The following CHD6 variants were observed in gnomAD, a reference collection of about 807,000 sequenced individuals.
The protein encoded by CHD6 is chromodomain helicase DNA binding protein 6, also known as ATP-dependent chromatin remodeler CHD6.
A neutral mutation model predicts 276.9 loss-of-function variants in CHD6; 50 were observed. The ratio of observed to expected loss-of-function variants is 0.18; its 90% CI spans 0.14 to 0.23. The LOEUF is 0.23. Among genes scored for constraint, CHD6 ranks in the 10% least tolerant of loss-of-function variants. CHD6 has a pLI of 1.00. For missense variants in CHD6, 2,564 were observed against 3,365.8 expected (o/e 0.76, Z 5.89); for synonymous variants, 1,173 against 1,229.3 (o/e 0.95, Z 0.96).
At chr20:41,558,217 G>A (rs2045261599) in intron 1 of CHD6, among the ~76,000 whole-genome samples, 1 of 152,188 alleles carries the variant, frequency 6.6e-6, no homozygotes, top group African/African-American at 2.4e-5. Context: ...GGTGTGAGCA[G>A]TCTACAGGAG....
rs1041796015 is a variant in CHD6 at position 41,543,900 on chromosome 20, A to G, written c.33+7405T>C. 2.0e-4 allele frequency among the ~76,000 whole-genome samples: 30 copies of G among 152,330 alleles called. 1 individual carries two copies. The highest frequency in any genetic ancestry group is 7.2e-4 in the African/African-American group (30 of 41,582). On this transcript the variant is annotated intron_variant, in intron 2 of 36. Transcript: ENST00000373233. ...TTCCTGTTGCACTTTTGGTTTTTTC[A>G]TAATACTTTAACCCTTTGGGCTAGT...
At chr20:41,408,283 T>C (rs1388535725) in intron 36 of CHD6, among the ~76,000 whole-genome samples, 1 of 152,104 alleles carries the variant, frequency 6.6e-6, no homozygotes, top group Non-Finnish European at 1.5e-5. Flanking sequence ...ACACAGGCCC[T>C]GTGGTTCCCA....
At chr20:41,464,801 T>C (rs1335882992) in intron 17 of CHD6, among the ~76,000 whole-genome samples, 3 of 152,144 alleles carry the variant, frequency 2.0e-5, no homozygotes, top group Admixed American at 6.6e-5. Flanking sequence ...CGTTGGAGAA[T>C]GGTCAATTCC....
At chr20:41,490,096 G>C in intron 11 of CHD6, 75 bp from the exon 12 acceptor site, 1 of 1,227,562 alleles carries the variant, frequency 8.1e-7, no homozygotes, top group Non-Finnish European at 1.2e-6. Flanking sequence ...AACTTGAAAA[G>C]ATGCTTCACA....
rs550271229 is a variant in CHD6, at chr20:41,536,871, G to A, written c.34-3301C>T. The stretch of plus-strand genomic sequence containing the variant: ...TCCAAGCTCCTGAGGAATAGAGAGA[G>A]AGCCTTTCACTCTTATTCATATAAA... On this transcript the variant is annotated intron_variant, in intron 2 of 36. Coordinates refer to ENST00000373233, the MANE Select transcript of CHD6 (RefSeq NM_032221.5). Among the ~76,000 whole-genome samples, 616 of 152,252 alleles carry A rather than the reference G, an allele frequency of 4.0e-3. 1 individual carries two copies. Among genetic ancestry groups the A allele is most frequent in the Middle Eastern group, 6.8e-3 (2 of 294 alleles).
At chr20:41,478,563 G>A (rs565094649) in intron 16 of CHD6, among the ~76,000 whole-genome samples, 1 of 152,244 alleles carries the variant, frequency 6.6e-6, no homozygotes, top group South Asian at 2.1e-4. Flanking sequence ...AACTAAGACT[G>A]CCAGAGAGTG....
At chr20:41,536,193 G>A (rs1265714134) in intron 2 of CHD6, among the ~76,000 whole-genome samples, 1 of 152,160 alleles carries the variant, frequency 6.6e-6, no homozygotes, top group Non-Finnish European at 1.5e-5. Context: ...AAAAGGAACA[G>A]GTTGAAGATG....
chr20:41,501,408 C>T (rs1399749162), intron 5 of CHD6, among the ~76,000 whole-genome samples: 1 of 152,058 alleles, frequency 6.6e-6, no homozygotes, highest in Non-Finnish European at 1.5e-5. Flanking sequence ...AATCCTGTGC[C>T]CTCACTGTAA....
chr20:41,507,673 A>G (rs1219780821), intron 5 of CHD6, among the ~76,000 whole-genome samples: 1 of 152,212 alleles, frequency 6.6e-6, no homozygotes, highest in Non-Finnish European at 1.5e-5. Flanking sequence ...ACACACTTCC[A>G]TAACAACCAT....
At chr20:41,553,729 C>T (rs988095091) in intron 1 of CHD6, among the ~76,000 whole-genome samples, 5 of 152,234 alleles carry the variant, frequency 3.3e-5, no homozygotes, top group East Asian at 3.8e-4. Flanking sequence ...AAGTAAAGAT[C>T]GCCTTGCTGA....
Position 41,416,690 on chromosome 20 carries a change from C to T in CHD6, c.6384G>A (p.Pro2128=), listed in dbSNP as rs148956702. Residue 2128 remains proline (P), a synonymous_variant, in exon 33 of 37, where the codon CCG becomes CCA. Transcript: ENST00000373233. ...GAGAACCAGCACTGCTGGTTAATAC[C>T]GGGGTGGGCAGTGTGCCTGAGGGCT... The part of the protein sequence containing the change: ...QYEPSGTLPT[P]VLTSSAGSRT... The T allele has an allele frequency of 3.5e-4, 562 of 1,614,060 alleles. 2 individuals are homozygous for T. The highest frequency in any genetic ancestry group is 3.2e-3 in the Admixed American group (192 of 59,996).
chr20:41,575,289 T>C (rs550759197), intron 1 of CHD6, among the ~76,000 whole-genome samples: 14 of 152,370 alleles, frequency 9.2e-5, no homozygotes, highest in African/African-American at 3.4e-4. Context: ...TTGTACATTT[T>C]GTTCAATTCT....
chr20:41,484,246 C>T (rs1472978566), intron 15 of CHD6, 106 bp downstream of exon 15: 3 of 1,340,488 alleles, frequency 2.2e-6, no homozygotes, highest in Non-Finnish European at 3.1e-6. Context: ...AGAATGCGTA[C>T]ATCCTAGCAT....
intron 20 of CHD6, among the ~76,000 whole-genome samples, chr20:41,453,941 G>A (rs989623195): frequency 6.6e-5 from 10 of 152,144 alleles, no homozygotes; most frequent in African/African-American, 7.2e-5. Context: ...AACCATGAGA[G>A]TTCAATACTC....
At chr20:41,503,456 T>G (rs2043888384) in intron 5 of CHD6, among the ~76,000 whole-genome samples, 1 of 152,194 alleles carries the variant, frequency 6.6e-6, no homozygotes, top group Admixed American at 6.5e-5. Context: ...GGTCCTACAT[T>G]GTATTTCTGA....
chr20:41,582,023 T>G (rs1334941381), intron 1 of CHD6, among the ~76,000 whole-genome samples: 1 of 152,192 alleles, frequency 6.6e-6, no homozygotes, highest in African/African-American at 2.4e-5. Context: ...TTAAGATACA[T>G]CACAGTTGAC....
At chr20:41,534,713 T>G (rs1346278466) in intron 2 of CHD6, among the ~76,000 whole-genome samples, 1 of 152,002 alleles carries the variant, frequency 6.6e-6, no homozygotes, top group Non-Finnish European at 1.5e-5. Flanking sequence ...GGAAAACAAT[T>G]CAGTTTGATG....
chr20:41,609,601 T>A (rs912036292), intron 1 of CHD6, among the ~76,000 whole-genome samples: 7 of 152,188 alleles, frequency 4.6e-5, no homozygotes, highest in Non-Finnish European at 7.4e-5. Context: ...GGCAGCCCTA[T>A]CCGTGATTTT....
chr20:41,416,265 CT>C (rs1158637438), intron 33 of CHD6, among the ~76,000 whole-genome samples: 18 of 152,100 alleles, frequency 1.2e-4, no homozygotes, highest in Admixed American at 6.5e-4. Flanking sequence ...CAGTTCCCCC[CT>C]ATCTTTGTAT....
Sources: allele counts gnomAD v4.1 joint callset (sites outside exome capture counted in the v4.1 genomes callset), GRCh38; gene constraint gnomAD v4.1.1; transcripts MANE v1.5; gene names NCBI Gene and HGNC (gene_info 2026-07-23, HGNC 2026-07-21).